GRM5: variants seen among roughly 807,000 people sequenced by gnomAD.
GRM5 encodes the protein glutamate metabotropic receptor 5, also known as metabotropic glutamate receptor 5.
In GRM5, 19 loss-of-function variants were observed where a neutral mutation model predicts 83.1. That is an observed-to-expected ratio of 0.23 (90% CI 0.16 to 0.34). The LOEUF (loss-of-function observed/expected upper bound fraction) is 0.34, where lower values mean the gene tolerates loss of function less well. GRM5 is among the 10% of genes least tolerant of loss of function. The pLI is 1.00. For synonymous variants in GRM5, 675 were observed against 633.6 expected, an observed-to-expected ratio of 1.07 and a Z score of -0.98; for missense variants, 1,160 against 1,588.3, an observed-to-expected ratio of 0.73 and a Z score of 4.58.
At chr11:88,596,927 A>C (rs1314387880) in intron 6 of GRM5, among the ~76,000 whole-genome samples, 1 of 152,058 alleles carries the variant, frequency 6.6e-6, no homozygotes, top group Non-Finnish European at 1.5e-5. Context: ...TATTCCCAGG[A>C]AGTCATGTCT....
At chr11:88,711,669 T>G (rs538593293) in intron 3 of GRM5, among the ~76,000 whole-genome samples, 4 of 152,224 alleles carry the variant, frequency 2.6e-5, no homozygotes, top group African/African-American at 9.6e-5. Flanking sequence ...TTGATTGGGA[T>G]TATTGAAAGG....
At chr11:88,840,911 C>G (rs72643334) in intron 3 of GRM5, among the ~76,000 whole-genome samples, 17,898 of 152,176 alleles carry the variant, frequency 0.12, 1,751 homozygotes, top group African/African-American at 0.25. Context: ...TTCATGAATT[C>G]AGGGACAAAG....
chr11:88,955,000 G>A (rs1938564641), intron 2 of GRM5, among the ~76,000 whole-genome samples: 1 of 152,166 alleles, frequency 6.6e-6, no homozygotes, highest in Non-Finnish European at 1.5e-5. Context: ...CATTTACTAA[G>A]TTCCTGAAAA....
chr11:88,727,807 G>GAAAT (rs1382777777), intron 3 of GRM5, among the ~76,000 whole-genome samples: 1 of 152,172 alleles, frequency 6.6e-6, no homozygotes, highest in Non-Finnish European at 1.5e-5. Context: ...AATTAAGGCA[G>GAAAT]AAATAAATAA....
chr11:88,834,209 TA>T (rs879302590), intron 3 of GRM5, among the ~76,000 whole-genome samples: 9 of 151,354 alleles, frequency 5.9e-5, no homozygotes, highest in Non-Finnish European at 8.9e-5. Flanking sequence ...ATTCTGACTG[TA>T]AAAAAAAATC....
At chr11:88,789,120 C>A (rs145356151) in intron 3 of GRM5, among the ~76,000 whole-genome samples, 1 of 152,284 alleles carries the variant, frequency 6.6e-6, no homozygotes, top group East Asian at 1.9e-4. Flanking sequence ...CTAAACCAGA[C>A]CCAGATATGA....
At chr11:88,977,316 C>T (rs1286700429) in intron 2 of GRM5, among the ~76,000 whole-genome samples, 7 of 151,934 alleles carry the variant, frequency 4.6e-5, no homozygotes, top group African/African-American at 1.7e-4. Flanking sequence ...AAGTTCACTC[C>T]ATTCTCCTGC....
At chr11:88,632,306 G>A (rs1394887358) in intron 4 of GRM5, among the ~76,000 whole-genome samples, 1 of 145,262 alleles carries the variant, frequency 6.9e-6, no homozygotes, top group Non-Finnish European at 1.5e-5. Context: ...GAGTGCAGTG[G>A]TGCAATCCTA....
At chr11:88,847,456 T>A (rs572717108) in intron 3 of GRM5, among the ~76,000 whole-genome samples, 1 of 152,336 alleles carries the variant, frequency 6.6e-6, no homozygotes, top group African/African-American at 2.4e-5. Context: ...TTCTGATAAG[T>A]GGTTTTATTA....
chr11:88,844,993 C>T (rs924063628), intron 3 of GRM5, among the ~76,000 whole-genome samples: 6 of 152,140 alleles, frequency 3.9e-5, no homozygotes, highest in African/African-American at 1.4e-4. Context: ...GTTGAAATGA[C>T]AACAAAGAAT....
chr11:88,904,846 C>T (rs578184013), intron 2 of GRM5, among the ~76,000 whole-genome samples: 33 of 152,120 alleles, frequency 2.2e-4, no homozygotes, highest in African/African-American at 7.2e-4. Context: ...TTCAATTCAC[C>T]GCAGAGGTAT....
At chr11:88,769,945 G>C (rs1942698482) in intron 3 of GRM5, among the ~76,000 whole-genome samples, 2 of 152,092 alleles carry the variant, frequency 1.3e-5, no homozygotes, top group South Asian at 4.1e-4. Context: ...ATTTACAGCA[G>C]AGTAACCTGG....
rs530138510 is a variant in GRM5, at chr11:88,768,078, AT to A, written c.911+81827del. ...AATATAATTTCCATATGATCCAGAA[AT>A]TTCACTTCTGGGTACATACCCAAAA... is the stretch of plus-strand genomic sequence containing the variant. On this transcript the variant is annotated intron_variant, in intron 3 of 9. Coordinates refer to ENST00000305447, the MANE Select transcript of GRM5 (RefSeq NM_001143831.3). 1.3e-4 allele frequency among the ~76,000 whole-genome samples: 20 copies of A among 152,030 alleles called. 1 individual carries two copies. The East Asian group carries it at 3.1e-3, about 24-fold the overall frequency.
At chr11:88,737,223 G>GTCTCCTT (rs1941933725) in intron 3 of GRM5, among the ~76,000 whole-genome samples, 1 of 152,032 alleles carries the variant, frequency 6.6e-6, no homozygotes, top group African/African-American at 2.4e-5. Context: ...CATTGTGGAT[G>GTCTCCTT]TCTCCTTTAA....
At chr11:89,038,111 G>T (rs1273840211) in intron 2 of GRM5, among the ~76,000 whole-genome samples, 3 of 151,016 alleles carry the variant, frequency 2.0e-5, no homozygotes, top group Non-Finnish European at 4.4e-5. Context: ...TGAAAAAAAA[G>T]AAAAACACCG....
intron 3 of GRM5, among the ~76,000 whole-genome samples, chr11:88,784,071 C>T (rs964926991): frequency 6.6e-6 from 1 of 152,016 alleles, no homozygotes; most frequent in Non-Finnish European, 1.5e-5. Flanking sequence ...AATTTTTATA[C>T]ATTTACCACT....
intron 2 of GRM5, among the ~76,000 whole-genome samples, chr11:88,918,817 T>A (rs187601584): frequency 3.3e-5 from 5 of 151,942 alleles, no homozygotes; most frequent in Non-Finnish European, 5.9e-5. Flanking sequence ...TAAGTAGTCA[T>A]CAATTTAAAG....
In GRM5 at chr11:88,909,545, T is replaced by TACACACACAC. The variant is rs60637208; in HGVS notation, c.662-59400_662-59391dup. ...TTCCCAAACTCTTCATCCTCACCAG[T>TACACACACAC]ACACACACACACACACACACACACA... On this transcript the variant is annotated intron_variant, in intron 2 of 9. Coordinates refer to ENST00000305447, the MANE Select transcript of GRM5 (RefSeq NM_001143831.3). 4.5e-3 allele frequency among the ~76,000 whole-genome samples: 655 copies of TACACACACAC among 146,186 alleles called. 2 individuals are homozygous for TACACACACAC. Among genetic ancestry groups the TACACACACAC allele is most frequent in the African/African-American group, 9.3e-3 (366 of 39,474 alleles).
intron 2 of GRM5, among the ~76,000 whole-genome samples, chr11:88,985,894 T>C (rs539310239): frequency 1.3e-5 from 2 of 152,134 alleles, no homozygotes; most frequent in Non-Finnish European, 2.9e-5. Context: ...TATCAATCAT[T>C]TATATATTGC....
Sources: allele counts gnomAD v4.1 joint callset (sites outside exome capture counted in the v4.1 genomes callset), GRCh38; gene constraint gnomAD v4.1.1; transcripts MANE v1.5; gene names NCBI Gene and HGNC (gene_info 2026-07-23, HGNC 2026-07-21).